CLIC2: variants seen among roughly 807,000 people sequenced by gnomAD.
CLIC2 encodes the protein CLIC family member 2.
In CLIC2, 9 loss-of-function variants were observed where a neutral mutation model predicts 14.8. The observed-to-expected ratio is 0.61, with a 90% CI of 0.37 to 1.06. CLIC2 has a LOEUF of 1.06. Among genes scored for constraint, CLIC2 ranks in the 50% least tolerant of loss-of-function variants. CLIC2 has a pLI of 0.01. For missense variants in CLIC2, 148 were observed against 181.4 expected, an observed-to-expected ratio of 0.82 and a Z score of 1.06; for synonymous variants, 61 against 66.3, an observed-to-expected ratio of 0.92 and a Z score of 0.39.
At chrX:155,292,024 C>T in intron 3 of CLIC2, 2 of 527,461 alleles carry the variant, frequency 3.8e-6, no homozygotes, top group Non-Finnish European at 7.0e-6. Context: ...ATGACCGGAC[C>T]CAGGCATCCA....
At chrX:155,298,942 C>T (rs1046927631) in intron 2 of CLIC2, 32 bp from the exon 3 acceptor site, 1 of 1,197,405 alleles carries the variant, frequency 8.4e-7, no homozygotes, top group Admixed American at 2.2e-5. Context: ...AGAGTTAGGT[C>T]TCTAGATAAA....
chrX:155,291,302 C>G, intron 3 of CLIC2: 1 of 901,706 alleles, frequency 1.1e-6, no homozygotes, highest in South Asian at 2.0e-5. Flanking sequence ...TTTCAGAGGT[C>G]TGTACTTTCC....
intron 4 of CLIC2, among the ~76,000 whole-genome samples, 177 bp from the exon 5 acceptor site, chrX:155,279,507 G>A (rs782158894): frequency 9.0e-4 from 101 of 112,232 alleles, no homozygotes; most frequent in African/African-American, 3.2e-3. Flanking sequence ...GACAAAGTAA[G>A]ATGAAATAGT....
intron 3 of CLIC2, among the ~76,000 whole-genome samples, chrX:155,284,028 T>G (rs965426619): frequency 2.7e-5 from 3 of 111,303 alleles, no homozygotes; most frequent in African/African-American, 9.8e-5. Context: ...TCTCCTTCAT[T>G]GCTTAGCTAT....
At position 155,299,151 on chromosome X, in the gene CLIC2, A is replaced by G; in HGVS notation, c.58-6T>C. On this transcript the variant is annotated splice_region_variant and splice_polypyrimidine_tract_variant and intron_variant, in intron 1 of 5. Coordinates refer to ENST00000369449, the MANE Select transcript of CLIC2 (RefSeq NM_001289.6). ...CTCTCTCCATCACTTCCAGCCTATT[A>G]AGATAAAGAGAGACCTCAGTTCATT... 1 of 1,173,652 alleles carries G rather than the reference A, an allele frequency of 8.5e-7. No individual in the cohort carries two copies. The highest frequency in any genetic ancestry group is 1.8e-5 in the African/African-American group (1 of 57,104).
At chrX:155,278,431 G>T (rs1386494658) in intron 5 of CLIC2, among the ~76,000 whole-genome samples, 1 of 111,822 alleles carries the variant, frequency 8.9e-6, no homozygotes, top group Non-Finnish European at 1.9e-5. Flanking sequence ...AGTAAATTCT[G>T]TGTAAGTCTA....
intron 1 of CLIC2, among the ~76,000 whole-genome samples, chrX:155,311,337 T>C (rs1557320552): frequency 8.9e-6 from 1 of 111,767 alleles, no homozygotes; most frequent in African/African-American, 3.3e-5. Flanking sequence ...ATCATCTCTC[T>C]CAAGTTCAAA....
chrX:155,292,076 G>A (rs1289084017), intron 3 of CLIC2: 1 of 560,882 alleles, frequency 1.8e-6, no homozygotes, highest in African/African-American at 2.2e-5. Context: ...TAGGAGCTGT[G>A]AAACTTCAAG....
At chrX:155,322,539 G>A (rs2075119676) in intron 1 of CLIC2, among the ~76,000 whole-genome samples, 1 of 111,988 alleles carries the variant, frequency 8.9e-6, no homozygotes, top group Non-Finnish European at 1.9e-5. Flanking sequence ...GAATCTCTGG[G>A]ACATAACTAA....
At position 155,284,594 on chromosome X, in the gene CLIC2, C is replaced by T. The variant is rs972487166; in HGVS notation, c.294-4526G>A. Among the ~76,000 whole-genome samples the T allele has an allele frequency of 1.1e-4, 12 of 111,691 alleles. 2 individuals carry two copies. The highest frequency in any genetic ancestry group is 1.1e-3 in the Admixed American group (11 of 10,469). On this transcript the variant is annotated intron_variant, in intron 3 of 5. Coordinates refer to ENST00000369449, the MANE Select transcript of CLIC2 (RefSeq NM_001289.6). ...TTTTTCCATTTGTCTATTGCTTTTCCCAGATGTTATTCCTTGTTCTGTGTA... is the reference window on the plus strand; with the variant it reads ...TTTTTCCATTTGTCTATTGCTTTTCTCAGATGTTATTCCTTGTTCTGTGTA...
At chrX:155,284,324 A>G (rs2074933100) in intron 3 of CLIC2, among the ~76,000 whole-genome samples, 1 of 105,362 alleles carries the variant, frequency 9.5e-6, no homozygotes, top group Non-Finnish European at 1.9e-5. Context: ...CAATGGCGCA[A>G]TCTCGGCTCA....
chrX:155,276,384 A>AGAT lies in CLIC2; in HGVS notation c.*1518_*1519insATC, dbSNP rs1557315765. On this transcript the variant is annotated 3_prime_UTR_variant, in exon 6 of 6. Coordinates refer to ENST00000369449, the MANE Select transcript of CLIC2 (RefSeq NM_001289.6). Reference sequence around the variant, plus strand: ...TTATTTCTTTGTGGTGACATTTAAAAACCTGCTTTTCTAGCTATCTTGAAA... The same window carrying AGAT: ...TTATTTCTTTGTGGTGACATTTAAAAGATACCTGCTTTTCTAGCTATCTTGAAA... The AGAT allele has an allele frequency of 4.5e-5, 5 of 111,928 alleles. No individual in the cohort carries two copies. The highest frequency in any genetic ancestry group is 9.4e-5 in the Non-Finnish European group (5 of 53,098). 9.2% of individuals were successfully genotyped at this position (111,928 alleles called of 1,213,427 possible).
intron 1 of CLIC2, among the ~76,000 whole-genome samples, chrX:155,311,843 C>CAAGGGA (rs1289822078): frequency 9.0e-6 from 1 of 111,209 alleles, no homozygotes; most frequent in Non-Finnish European, 1.9e-5. Flanking sequence ...GAATGAGAGC[C>CAAGGGA]AAGGGAAAGC....
chrX:155,314,418 G>T (rs1341876764), intron 1 of CLIC2, among the ~76,000 whole-genome samples: 2 of 112,371 alleles, frequency 1.8e-5, no homozygotes, highest in Non-Finnish European at 3.8e-5. Context: ...ACTCTTTGCA[G>T]ATACTCTCCA....
rs2124144191 is a variant in CLIC2 at position 155,277,811 on chromosome X, A to T, written c.*92T>A. The T allele has an allele frequency of 1.3e-6, 1 of 764,571 alleles. No homozygotes were observed. The highest frequency in any genetic ancestry group is 2.2e-5 in the South Asian group (1 of 45,523). The allele number at this position is 764,571 out of a possible 1,213,427, so 63.0% of individuals were successfully genotyped here. ...AAGAGAGTTGGATAGAAGAAACAGT[A>T]TTTTTCATATTCTTATTTGCAAAAA... is the stretch of plus-strand genomic sequence containing the variant. On this transcript the variant is annotated 3_prime_UTR_variant, in exon 6 of 6. Coordinates refer to ENST00000369449, the MANE Select transcript of CLIC2 (RefSeq NM_001289.6).
At chrX:155,298,944 CTAGA>C in intron 2 of CLIC2, 34 bp from the exon 3 acceptor site, 1 of 1,195,469 alleles carries the variant, frequency 8.4e-7, no homozygotes, top group South Asian at 1.8e-5. Context: ...AGTTAGGTCT[CTAGA>C]TAAAGTACAC....
chrX:155,307,035 A>G (rs187101999), intron 1 of CLIC2, among the ~76,000 whole-genome samples: 19 of 111,735 alleles, frequency 1.7e-4, no homozygotes, highest in Admixed American at 1.3e-3. Flanking sequence ...TCACTTACTC[A>G]TTTACTTACC....
chrX:155,297,860 C>CAAAAAAAAAAAAAAAA (rs200891873), intron 3 of CLIC2, among the ~76,000 whole-genome samples: 8 of 5,120 alleles, frequency 1.6e-3, no homozygotes, highest in East Asian at 8.3e-3. Context: ...ACTCCGGTCT[C>CAAAAAAAAAAAAAAAA]AAAAAAAAAA....
chrX:155,297,125 A>G (rs1387501582), intron 3 of CLIC2, among the ~76,000 whole-genome samples: 3 of 112,326 alleles, frequency 2.7e-5, no homozygotes, highest in African/African-American at 9.7e-5. Flanking sequence ...AATAGTATTC[A>G]GCCATAAAAG....
Sources: gnomAD v4.1 joint callset for allele counts (sites outside exome capture counted in the v4.1 genomes callset) on GRCh38, gnomAD v4.1.1 for gene constraint, MANE v1.5 for transcripts, NCBI Gene and HGNC (gene_info 2026-07-23, HGNC 2026-07-21) for gene names.